The following PPP1R2 variants were observed in gnomAD, a reference collection of about 807,000 sequenced individuals.
PPP1R2 encodes the protein protein phosphatase 1 regulatory inhibitor subunit 2.
In PPP1R2, 16 loss-of-function variants were observed where a neutral mutation model predicts 29.9. The ratio of observed to expected loss-of-function variants is 0.53; its 90% CI spans 0.36 to 0.81. PPP1R2 has a LOEUF of 0.81. PPP1R2 is among the 30% of genes least tolerant of loss of function. The pLI is 0.00. For missense variants in PPP1R2, 197 were observed against 252.7 expected, an observed-to-expected ratio of 0.78 and a Z score of 1.49; for synonymous variants, 76 against 91.5, an observed-to-expected ratio of 0.83 and a Z score of 0.96.
intron 1 of PPP1R2, among the ~76,000 whole-genome samples, chr3:195,532,215 CTTTT>C (rs146508182): frequency 2.5e-5 from 3 of 120,178 alleles, no homozygotes; most frequent in African/African-American, 9.5e-5. Context: ...TTTTCTTTTT[CTTTT>C]TTTTTTTTTT....
In PPP1R2 at chr3:195,531,756, T is replaced by C. The variant is rs192094368; in HGVS notation, c.123-1855A>G. ...AGCCATTACGAAGTGTACAATTCTA[T>C]GGCATTAAGAACATCACATCATTGT... On this transcript the variant is annotated intron_variant, in intron 1 of 5. Transcript: ENST00000618156. Among the ~76,000 whole-genome samples, 378 of 152,350 alleles carry C rather than the reference T, an allele frequency of 2.5e-3. 1 individual carries two copies. Among genetic ancestry groups the C allele is most frequent in the African/African-American group, 7.3e-3 (305 of 41,574 alleles).
chr3:195,525,233 TATC>T (rs1222416631), intron 2 of PPP1R2, among the ~76,000 whole-genome samples: 1 of 152,182 alleles, frequency 6.6e-6, no homozygotes, highest in Non-Finnish European at 1.5e-5. Context: ...ACTTTTTTCT[TATC>T]ATTATTCCCT....
At chr3:195,532,099 T>G (rs777650125) in intron 1 of PPP1R2, among the ~76,000 whole-genome samples, 2 of 152,086 alleles carry the variant, frequency 1.3e-5, no homozygotes, top group African/African-American at 4.8e-5. Flanking sequence ...GGCATGATCA[T>G]AGTTCACTGC....
intron 1 of PPP1R2, among the ~76,000 whole-genome samples, chr3:195,534,897 T>C (rs1719317994): frequency 6.6e-6 from 1 of 152,080 alleles, no homozygotes; most frequent in African/African-American, 2.4e-5. Flanking sequence ...CTGGACAATG[T>C]CTCTCTTTGG....
At position 195,515,135 on chromosome 3, in the gene PPP1R2, GAT is replaced by G. The variant is rs1718498872; in HGVS notation, c.*1759_*1760del. ...CTTAATCTCTACATCCCCCAAGACA[GAT>G]TTAAACAGGTAATCCCAACATTTTA... is the stretch of plus-strand genomic sequence containing the variant. On this transcript the variant is annotated 3_prime_UTR_variant, in exon 6 of 6. Coordinates refer to ENST00000618156, the MANE Select transcript of PPP1R2 (RefSeq NM_006241.8). 2 of 177,560 alleles carry G rather than the reference GAT, an allele frequency of 1.1e-5. No individual in the cohort carries two copies. The allele number at this position is 177,560 out of a possible 1,614,324, so 11.0% of individuals were successfully genotyped here. A position where few individuals can be genotyped will look rare whatever the true frequency, so the allele number is the denominator to read the frequency against.
At position 195,518,462 on chromosome 3, in the gene PPP1R2, T is replaced by C. The variant is rs373073501; in HGVS notation, c.571+556A>G. On this transcript the variant is annotated intron_variant, in intron 5 of 5. Coordinates refer to ENST00000618156, the MANE Select transcript of PPP1R2 (RefSeq NM_006241.8). ...GTCAGGAGATTGGGACCATCCTGGC[T>C]AACATGGTGAAACCCCATCTCTACT... 4.0e-5 allele frequency among the ~76,000 whole-genome samples: 6 copies of C among 151,758 alleles called. No individual in the cohort carries two copies. The South Asian group carries it at 1.0e-3, about 26-fold the overall frequency.
chr3:195,530,645 C>T (rs1225750676), intron 1 of PPP1R2, among the ~76,000 whole-genome samples: 4 of 152,158 alleles, frequency 2.6e-5, no homozygotes, highest in African/African-American at 9.7e-5. Flanking sequence ...CCTGTCTCAG[C>T]CTCCCGAGTA....
chr3:195,522,198 A>G (rs554237835), intron 4 of PPP1R2, among the ~76,000 whole-genome samples: 49 of 152,278 alleles, frequency 3.2e-4, no homozygotes, highest in Non-Finnish European at 6.5e-4. Context: ...TAGAAATGAG[A>G]AAACGGAGGC....
In PPP1R2 at chr3:195,516,817, T is replaced by C; in HGVS notation, c.*79A>G. ...TGCATTTTGGTACTTAAGTCATGAA[T>C]TGTGAAGAACAAGAAGCAACGTACT... On this transcript the variant is annotated 3_prime_UTR_variant, in exon 6 of 6. Coordinates refer to ENST00000618156, the MANE Select transcript of PPP1R2 (RefSeq NM_006241.8). 1 of 1,251,858 alleles carries C rather than the reference T, an allele frequency of 8.0e-7. No individual in the cohort carries two copies. Among genetic ancestry groups the C allele is most frequent in the Non-Finnish European group, 1.2e-6 (1 of 861,884 alleles). 77.5% of individuals were successfully genotyped at this position (1,251,858 alleles called of 1,614,324 possible).
chr3:195,529,923 G>A lies in PPP1R2; in HGVS notation c.123-22C>T, dbSNP rs368810058. The A allele has an allele frequency of 1.1e-5, 17 of 1,543,652 alleles. No homozygotes were observed. The Admixed American group carries it at 1.9e-4, about 17-fold the overall frequency. On this transcript the variant is annotated intron_variant, in intron 1 of 5. Transcript: ENST00000618156. The stretch of plus-strand genomic sequence containing the variant: ...TTTGCTAAAATTAAAAAGAAAAAAC[G>A]TTTTTCCCAATGCAGAAAAAGATAA...
At chr3:195,537,988 T>A (rs1249468463) in intron 1 of PPP1R2, among the ~76,000 whole-genome samples, 1 of 152,254 alleles carries the variant, frequency 6.6e-6, no homozygotes, top group East Asian at 1.9e-4. Flanking sequence ...TAACATTAGT[T>A]GTGGAATAGC....
intron 3 of PPP1R2, among the ~76,000 whole-genome samples, 169 bp from the exon 4 acceptor site, chr3:195,523,955 G>T (rs998321002): frequency 1.3e-5 from 2 of 152,120 alleles, no homozygotes; most frequent in Admixed American, 6.6e-5. Context: ...GGGCATGGTG[G>T]TACACGCCTG....
chr3:195,518,937 C>G (rs981249267), intron 5 of PPP1R2, 81 bp downstream of exon 5: 1 of 1,540,600 alleles, frequency 6.5e-7, no homozygotes, highest in South Asian at 1.3e-5. Flanking sequence ...TGTTTTTTCA[C>G]AAGTTTAAAG....
chr3:195,521,385 C>G (rs1167167756), intron 4 of PPP1R2, among the ~76,000 whole-genome samples: 1 of 142,060 alleles, frequency 7.0e-6, no homozygotes, highest in African/African-American at 2.6e-5. Context: ...TATGAACATA[C>G]AGTAAACATT....
chr3:195,542,872 G>A (rs1719648587), intron 1 of PPP1R2, 32 bp downstream of exon 1: 5 of 1,582,342 alleles, frequency 3.2e-6, no homozygotes, highest in African/African-American at 1.4e-5. Flanking sequence ...GCGGGAAGGA[G>A]GGGCTCCCAG....
At chr3:195,528,070 T>C (rs974338983) in intron 2 of PPP1R2, among the ~76,000 whole-genome samples, 6 of 152,244 alleles carry the variant, frequency 3.9e-5, no homozygotes, top group African/African-American at 4.8e-5. Context: ...TCAGTGGTAA[T>C]TGCTGAGATT....
intron 1 of PPP1R2, among the ~76,000 whole-genome samples, chr3:195,538,197 G>A (rs1298786881): frequency 6.6e-6 from 1 of 152,208 alleles, no homozygotes; most frequent in East Asian, 1.9e-4. Context: ...CCTAAATCTG[G>A]TGCTGAAAAC....
intron 5 of PPP1R2, among the ~76,000 whole-genome samples, chr3:195,517,847 T>C (rs1718604395): frequency 6.6e-6 from 1 of 152,160 alleles, no homozygotes; most frequent in Non-Finnish European, 1.5e-5. Context: ...TGAAAGGCTA[T>C]ATGAAATAGA....
intron 1 of PPP1R2, among the ~76,000 whole-genome samples, chr3:195,540,269 G>T (rs541470325): frequency 1.3e-5 from 2 of 152,306 alleles, no homozygotes; most frequent in South Asian, 4.1e-4. Context: ...GCGACGCTCT[G>T]CTTTCTTGTT....
Sources: allele counts gnomAD v4.1 joint callset (sites outside exome capture counted in the v4.1 genomes callset), GRCh38; gene constraint gnomAD v4.1.1; transcripts MANE v1.5; gene names NCBI Gene and HGNC (gene_info 2026-07-23, HGNC 2026-07-21).